The following GRXCR1 variants were observed in gnomAD, a reference collection of about 807,000 sequenced individuals.
GRXCR1 encodes the protein glutaredoxin domain-containing cysteine-rich protein 1.
Under a neutral mutation model 27.3 loss-of-function variants are expected in GRXCR1, and 27 were observed. The observed-to-expected ratio is 0.99, with a 90% CI of 0.73 to 1.37. The LOEUF (loss-of-function observed/expected upper bound fraction) is 1.37, where lower values mean the gene tolerates loss of function less well. Among genes scored for constraint, GRXCR1 ranks in the 40% most tolerant of loss-of-function variants. The pLI is 0.00. For missense variants in GRXCR1, 379 were observed against 354.4 expected, an observed-to-expected ratio of 1.07 and a Z score of -0.56; for synonymous variants, 122 against 131.1, an observed-to-expected ratio of 0.93 and a Z score of 0.47.
intron 2 of GRXCR1, among the ~76,000 whole-genome samples, chr4:42,973,104 T>C (rs1748426339): frequency 1.3e-5 from 2 of 152,174 alleles, no homozygotes; most frequent in African/African-American, 4.8e-5. Flanking sequence ...AGAAATATAA[T>C]AATAGCCAGT....
At chr4:42,935,324 G>A (rs2109759508) in intron 1 of GRXCR1, among the ~76,000 whole-genome samples, 1 of 151,896 alleles carries the variant, frequency 6.6e-6, no homozygotes, top group Admixed American at 6.6e-5. Flanking sequence ...AAAACTTGGG[G>A]GTCCATGGAA....
Position 42,978,912 on chromosome 4 carries a change from TCACGAGATCTGATGGTTTTGTAAGGGA to T in GRXCR1, c.627+15780_627+15806del, listed in dbSNP as rs1430098535. ...TGTTTTTGTGATAGTGAGTGAGTTC[TCACGAGATCTGATGGTTTTGTAAGGGA>T]CTCTTCCCTCTTCACTTGGGACTTT... On this transcript the variant is annotated intron_variant, in intron 2 of 3. Transcript: ENST00000399770. Among the ~76,000 whole-genome samples, 15 of 152,032 alleles carry T rather than the reference TCACGAGATCTGATGGTTTTGTAAGGGA, an allele frequency of 9.9e-5. No individual in the cohort carries two copies. The East Asian group carries it at 2.9e-3, about 29-fold the overall frequency.
chr4:42,941,744 T>C (rs1747628837), intron 1 of GRXCR1, among the ~76,000 whole-genome samples: 1 of 151,768 alleles, frequency 6.6e-6, no homozygotes, highest in Non-Finnish European at 1.5e-5. Context: ...ATCAAGCTTC[T>C]CTTTAAAGGT....
intron 2 of GRXCR1, among the ~76,000 whole-genome samples, chr4:42,998,881 C>T (rs866748153): frequency 1.9e-4 from 29 of 152,236 alleles, no homozygotes; most frequent in African/African-American, 6.0e-4. Flanking sequence ...AAATGATTGG[C>T]AAATTGGTAG....
intron 2 of GRXCR1, among the ~76,000 whole-genome samples, chr4:43,016,937 T>C (rs959948116): frequency 8.5e-5 from 13 of 152,188 alleles, no homozygotes; most frequent in African/African-American, 3.1e-4. Context: ...TCTTCGTCTG[T>C]GAAGTTTGTT....
At chr4:42,953,611 A>G (rs1284914346) in intron 1 of GRXCR1, among the ~76,000 whole-genome samples, 1 of 152,162 alleles carries the variant, frequency 6.6e-6, no homozygotes, top group Non-Finnish European at 1.5e-5. Context: ...ATTCATGAGA[A>G]AAATAAATGC....
intron 2 of GRXCR1, among the ~76,000 whole-genome samples, chr4:42,987,283 G>T (rs1450425629): frequency 5.2e-4 from 60 of 114,784 alleles, no homozygotes; most frequent in African/African-American, 1.7e-3. Context: ...TATATAGAGA[G>T]AGAGAGAGAG....
intron 2 of GRXCR1, among the ~76,000 whole-genome samples, chr4:42,983,898 T>C (rs1389352027): frequency 2.0e-5 from 3 of 150,524 alleles, no homozygotes; most frequent in African/African-American, 7.3e-5. Flanking sequence ...TGCAGTGGTG[T>C]GATCTCGGCT....
At chr4:43,025,253 T>C (rs1259397905) in intron 3 of GRXCR1, among the ~76,000 whole-genome samples, 1 of 152,206 alleles carries the variant, frequency 6.6e-6, no homozygotes, top group Non-Finnish European at 1.5e-5. Flanking sequence ...TTAGTTGAGA[T>C]GACTGCAATA....
At chr4:43,002,728 C>G (rs1255346155) in intron 2 of GRXCR1, among the ~76,000 whole-genome samples, 1 of 151,398 alleles carries the variant, frequency 6.6e-6, no homozygotes, top group African/African-American at 2.4e-5. Flanking sequence ...TTCCTTCTTC[C>G]TGTACCCTTT....
intron 2 of GRXCR1, among the ~76,000 whole-genome samples, chr4:43,017,335 T>C (rs894823572): frequency 1.3e-5 from 2 of 152,132 alleles, no homozygotes; most frequent in African/African-American, 4.8e-5. Flanking sequence ...AGCAGGCAGC[T>C]TGCAGGGTGC....
intron 1 of GRXCR1, among the ~76,000 whole-genome samples, chr4:42,916,911 T>C (rs973179688): frequency 6.6e-6 from 1 of 152,154 alleles, no homozygotes; most frequent in Admixed American, 6.6e-5. Flanking sequence ...CGTAATTTTA[T>C]GTAAGGAAGA....
intron 3 of GRXCR1, among the ~76,000 whole-genome samples, chr4:43,021,697 G>A (rs2109807822): frequency 6.6e-6 from 1 of 152,300 alleles, no homozygotes; most frequent in African/African-American, 2.4e-5. Context: ...GGTTCAATGA[G>A]GATGATGGGC....
chr4:42,900,983 A>G (rs1025231927), intron 1 of GRXCR1, among the ~76,000 whole-genome samples: 1 of 152,302 alleles, frequency 6.6e-6, no homozygotes, highest in Middle Eastern at 3.4e-3. Flanking sequence ...GACAGCTGTC[A>G]AATGCACAAT....
chr4:42,984,369 C>T (rs538756084), intron 2 of GRXCR1, among the ~76,000 whole-genome samples: 32 of 152,158 alleles, frequency 2.1e-4, no homozygotes, highest in Middle Eastern at 3.4e-3. Context: ...AATCTTCATC[C>T]GGCAGTTCAT....
intron 1 of GRXCR1, among the ~76,000 whole-genome samples, chr4:42,901,130 T>C (rs1317777552): frequency 6.6e-6 from 1 of 152,162 alleles, no homozygotes; most frequent in Non-Finnish European, 1.5e-5. Context: ...ACATGGTCAT[T>C]GGCATCCACA....
At chr4:42,963,430 A>G (rs1748173310) in intron 2 of GRXCR1, among the ~76,000 whole-genome samples, 1 of 151,920 alleles carries the variant, frequency 6.6e-6, no homozygotes. Flanking sequence ...GGCATGTGGG[A>G]TAAAGACTGT....
At chr4:42,950,713 C>G (rs1167726313) in intron 1 of GRXCR1, among the ~76,000 whole-genome samples, 2 of 152,100 alleles carry the variant, frequency 1.3e-5, no homozygotes, top group Non-Finnish European at 2.9e-5. Flanking sequence ...TCCTACAACT[C>G]TCTTGTAGGC....
chr4:42,954,243 G>T (rs1316257293), intron 1 of GRXCR1, among the ~76,000 whole-genome samples: 1 of 152,116 alleles, frequency 6.6e-6, no homozygotes, highest in African/African-American at 2.4e-5. Context: ...CCCATAGTGC[G>T]ATGAGGGAAG....
Sources: gnomAD v4.1 joint callset for allele counts (sites outside exome capture counted in the v4.1 genomes callset) on GRCh38, gnomAD v4.1.1 for gene constraint, MANE v1.5 for transcripts, NCBI Gene and HGNC (gene_info 2026-07-23, HGNC 2026-07-21) for gene names.